Variants in SLC4A4 observed in about 807,000 individuals in gnomAD.
SLC4A4 encodes solute carrier family 4 member 4, also known as electrogenic sodium bicarbonate cotransporter 1.
In SLC4A4, 27 loss-of-function variants were observed where a neutral mutation model predicts 111.5. The ratio of observed to expected loss-of-function variants is 0.24; its 90% CI spans 0.18 to 0.33. The LOEUF is 0.33. Ranked by LOEUF, SLC4A4 falls within the 10% of genes least tolerant of loss-of-function variation. The pLI, the probability that SLC4A4 is intolerant of heterozygous loss-of-function variation, is 1.00. For synonymous variants in SLC4A4, 443 were observed against 463.4 expected, an observed-to-expected ratio of 0.96 and a Z score of 0.57; for missense variants, 909 against 1,315.5, an observed-to-expected ratio of 0.69 and a Z score of 4.78.
chr4:71,238,126 A>G (rs1719937016), intron 2 of SLC4A4, among the ~76,000 whole-genome samples: 2 of 152,192 alleles, frequency 1.3e-5, no homozygotes, highest in Admixed American at 1.3e-4. Flanking sequence ...TTGAGCAAAT[A>G]GCCTATAGTT....
intron 1 of SLC4A4, among the ~76,000 whole-genome samples, chr4:71,210,123 T>A (rs1275754409): frequency 2.0e-5 from 3 of 152,206 alleles, no homozygotes; most frequent in African/African-American, 7.2e-5. Flanking sequence ...TGGACACCAA[T>A]GGGGTGCCCA....
intron 3 of SLC4A4, among the ~76,000 whole-genome samples, chr4:71,268,825 C>T (rs775935092): frequency 6.6e-6 from 1 of 152,174 alleles, no homozygotes; most frequent in Non-Finnish European, 1.5e-5. Context: ...GGTCTTTGTG[C>T]ATAGTTCAGA....
intron 6 of SLC4A4, among the ~76,000 whole-genome samples, chr4:71,377,181 T>C (rs931520896): frequency 1.5e-4 from 23 of 152,228 alleles, no homozygotes; most frequent in Non-Finnish European, 3.1e-4. Flanking sequence ...TTTAATTGTG[T>C]AAAGGTGTTC....
chr4:71,531,652 T>A (rs537949840), intron 16 of SLC4A4, among the ~76,000 whole-genome samples: 1 of 151,958 alleles, frequency 6.6e-6, no homozygotes, highest in Admixed American at 6.6e-5. Flanking sequence ...TTTTATAATA[T>A]GTACTTAGTT....
At chr4:71,319,771 T>C (rs1237064492) in intron 3 of SLC4A4, among the ~76,000 whole-genome samples, 2 of 152,124 alleles carry the variant, frequency 1.3e-5, no homozygotes, top group Middle Eastern at 6.8e-3. Flanking sequence ...TCACTCTTCC[T>C]GTTGTTATTA....
intron 2 of SLC4A4, among the ~76,000 whole-genome samples, chr4:71,145,914 A>AT (rs1269659835): frequency 2.0e-5 from 3 of 151,892 alleles, no homozygotes; most frequent in Non-Finnish European, 2.9e-5. Context: ...GGATTCGTTG[A>AT]TTTTTTGAAG....
At chr4:71,401,458 A>G (rs915200130) in intron 7 of SLC4A4, among the ~76,000 whole-genome samples, 8 of 152,210 alleles carry the variant, frequency 5.3e-5, no homozygotes, top group East Asian at 1.9e-4. Context: ...TCTGGAGTTC[A>G]TCTAGTTGTA....
intron 2 of SLC4A4, among the ~76,000 whole-genome samples, chr4:71,122,672 T>C (rs950107369): frequency 6.6e-6 from 1 of 152,126 alleles, no homozygotes; most frequent in African/African-American, 2.4e-5. Context: ...CGGTGGCAGA[T>C]AGGAGGTTTT....
chr4:71,374,707 G>A (rs1331393413), intron 6 of SLC4A4, among the ~76,000 whole-genome samples: 2 of 151,668 alleles, frequency 1.3e-5, no homozygotes, highest in African/African-American at 4.8e-5. Context: ...TTATATTTCA[G>A]AATACTGGGG....
intron 2 of SLC4A4, among the ~76,000 whole-genome samples, chr4:71,172,314 G>T (rs1744968242): frequency 6.7e-6 from 1 of 149,342 alleles, no homozygotes; most frequent in Admixed American, 6.7e-5. Flanking sequence ...GGAGTGCAGT[G>T]GCGTGATCTT....
At chr4:71,168,474 C>T (rs1001795458) in intron 2 of SLC4A4, among the ~76,000 whole-genome samples, 4 of 151,848 alleles carry the variant, frequency 2.6e-5, no homozygotes, top group African/African-American at 7.3e-5. Context: ...TGAGCCACTG[C>T]TTCTGGCCTC....
intron 2 of SLC4A4, among the ~76,000 whole-genome samples, chr4:71,244,228 A>G (rs537276704): frequency 7.1e-4 from 108 of 152,290 alleles, no homozygotes; most frequent in Non-Finnish European, 1.1e-3. Context: ...CTTCTGTTCT[A>G]TGGTTTAGAG....
At chr4:71,356,937 A>C (rs1730334650) in intron 5 of SLC4A4, 71 bp from the exon 6 acceptor site, 2 of 1,402,002 alleles carry the variant, frequency 1.4e-6, no homozygotes, top group African/African-American at 2.8e-5. Flanking sequence ...GACATCCATA[A>C]AGTTAGAGTA....
At chr4:71,508,422 T>C (rs1350398981) in intron 16 of SLC4A4, among the ~76,000 whole-genome samples, 1 of 152,032 alleles carries the variant, frequency 6.6e-6, no homozygotes, top group Non-Finnish European at 1.5e-5. Flanking sequence ...CTGACCCCAC[T>C]GAAATACAAA....
At chr4:71,301,844 G>A (rs1725287914) in intron 3 of SLC4A4, among the ~76,000 whole-genome samples, 1 of 152,200 alleles carries the variant, frequency 6.6e-6, no homozygotes, top group South Asian at 2.1e-4. Flanking sequence ...TCCATGTGCC[G>A]CTGCAGGCAA....
At chr4:71,088,557 C>T (rs1031448818) in intron 1 of SLC4A4, among the ~76,000 whole-genome samples, 1 of 151,952 alleles carries the variant, frequency 6.6e-6, no homozygotes, top group African/African-American at 2.4e-5. Flanking sequence ...TGTTCCTTTC[C>T]ATGTTTAGTG....
At chr4:71,278,824 C>A (rs75762095) in intron 3 of SLC4A4, among the ~76,000 whole-genome samples, 1 of 152,022 alleles carries the variant, frequency 6.6e-6, no homozygotes, top group Admixed American at 6.6e-5. Flanking sequence ...ACTATTTTTG[C>A]TGTTGAGTTG....
At chr4:71,546,742 A>G (rs533450500) in intron 19 of SLC4A4, among the ~76,000 whole-genome samples, 1 of 152,090 alleles carries the variant, frequency 6.6e-6, no homozygotes, top group East Asian at 1.9e-4. Flanking sequence ...ATGGATTTCC[A>G]AAAGGCTAAA....
intron 6 of SLC4A4, among the ~76,000 whole-genome samples, chr4:71,387,537 C>T (rs1718862526): frequency 6.6e-6 from 1 of 151,994 alleles, no homozygotes; most frequent in East Asian, 1.9e-4. Context: ...TCTTGTTGCC[C>T]AGGCTGGAGT....
Sources: gnomAD v4.1 joint callset for allele counts (sites outside exome capture counted in the v4.1 genomes callset) on GRCh38, gnomAD v4.1.1 for gene constraint, MANE v1.5 for transcripts, NCBI Gene and HGNC (gene_info 2026-07-23, HGNC 2026-07-21) for gene names.